MAGI2: variants seen among roughly 807,000 people sequenced by gnomAD.
MAGI2 encodes the protein membrane-associated guanylate kinase, WW and PDZ domain-containing protein 2.
A neutral mutation model predicts 133.3 loss-of-function variants in MAGI2; 35 were observed. The ratio of observed to expected loss-of-function variants is 0.26; its 90% CI spans 0.20 to 0.35. MAGI2 has a LOEUF of 0.35. MAGI2 is among the 10% of genes least tolerant of loss of function. MAGI2 has a pLI of 1.00. For synonymous variants in MAGI2, 729 were observed against 710.6 expected (o/e 1.03, Z -0.41); for missense variants, 1,636 against 1,863.4 (o/e 0.88, Z 2.25).
intron 2 of MAGI2, among the ~76,000 whole-genome samples, chr7:78,697,787 C>T (rs1289019784): frequency 6.6e-6 from 1 of 152,178 alleles, no homozygotes; most frequent in Non-Finnish European, 1.5e-5. Context: ...TATTTCTCTC[C>T]CTTTTTATTA....
intron 1 of MAGI2, among the ~76,000 whole-genome samples, chr7:79,126,866 T>C (rs571648520): frequency 3.7e-4 from 57 of 152,086 alleles, no homozygotes; most frequent in African/African-American, 1.3e-3. Context: ...TTGTTACATA[T>C]GTATACATGT....
At chr7:78,912,929 T>C (rs1798525846) in intron 2 of MAGI2, among the ~76,000 whole-genome samples, 1 of 151,464 alleles carries the variant, frequency 6.6e-6, no homozygotes, top group South Asian at 2.1e-4. Context: ...CTGGCAAAGA[T>C]TCCCAGAAAG....
At chr7:78,599,561 G>A (rs1414347322) in intron 3 of MAGI2, among the ~76,000 whole-genome samples, 4 of 152,020 alleles carry the variant, frequency 2.6e-5, no homozygotes, top group African/African-American at 4.8e-5. Flanking sequence ...CAGAAATACC[G>A]ATTTCTTAAA....
intron 6 of MAGI2, among the ~76,000 whole-genome samples, chr7:78,480,025 A>T (rs1792190985): frequency 6.6e-6 from 1 of 151,990 alleles, no homozygotes; most frequent in Non-Finnish European, 1.5e-5. Context: ...GAAATTAAAG[A>T]CAGATCCACA....
At chr7:78,527,003 T>C (rs1367862960) in intron 3 of MAGI2, among the ~76,000 whole-genome samples, 4 of 24,900 alleles carry the variant, frequency 1.6e-4, no homozygotes, top group Non-Finnish European at 2.9e-4. Context: ...CAAGACTCCA[T>C]CTCAAAAAAA....
intron 1 of MAGI2, among the ~76,000 whole-genome samples, chr7:79,442,357 T>C (rs550797288): frequency 9.8e-5 from 15 of 152,296 alleles, no homozygotes; most frequent in African/African-American, 2.6e-4. Flanking sequence ...TTAATGTAAC[T>C]GTTTTCCCTA....
At chr7:78,632,641 CAAA>C (rs906692803) in intron 2 of MAGI2, among the ~76,000 whole-genome samples, 3 of 152,188 alleles carry the variant, frequency 2.0e-5, no homozygotes, top group Admixed American at 6.5e-5. Flanking sequence ...TCTGAACTAT[CAAA>C]ATCATTTTCA....
intron 6 of MAGI2, among the ~76,000 whole-genome samples, chr7:78,439,012 C>T (rs1787335370): frequency 6.6e-6 from 1 of 152,172 alleles, no homozygotes; most frequent in Admixed American, 6.5e-5. Context: ...CCTTGAACTA[C>T]CTGTTCCTGG....
chr7:78,851,534 C>G (rs1793139677), intron 2 of MAGI2, among the ~76,000 whole-genome samples: 1 of 152,120 alleles, frequency 6.6e-6, no homozygotes, highest in Non-Finnish European at 1.5e-5. Context: ...ATATTCCTCC[C>G]AGATCTCACC....
At chr7:78,943,956 G>A (rs1325098960) in intron 2 of MAGI2, among the ~76,000 whole-genome samples, 1 of 152,020 alleles carries the variant, frequency 6.6e-6, no homozygotes, top group Non-Finnish European at 1.5e-5. Context: ...TTTCACTGCA[G>A]ACTTGTGAAA....
chr7:79,018,454 C>T (rs1165156323), intron 1 of MAGI2, among the ~76,000 whole-genome samples: 1 of 152,148 alleles, frequency 6.6e-6, no homozygotes, highest in East Asian at 1.9e-4. Flanking sequence ...CATTTAAGTA[C>T]ATAGACTAGT....
intron 1 of MAGI2, among the ~76,000 whole-genome samples, chr7:79,130,583 C>T (rs1033013720): frequency 6.6e-6 from 1 of 152,174 alleles, no homozygotes; most frequent in Non-Finnish European, 1.5e-5. Context: ...CTAGTGTCTA[C>T]TTCATCTCAC....
At position 78,699,875 on chromosome 7, in the gene MAGI2, T is replaced by C. The variant is rs140134443; in HGVS notation, c.419-72636A>G. ...AAAAAATATCCATATAACTTTTATA[T>C]CAAAATAAAATTCAGAAAATTAGGC... On this transcript the variant is annotated intron_variant, in intron 2 of 21. Coordinates refer to ENST00000354212, the MANE Select transcript of MAGI2 (RefSeq NM_012301.4). 3.9e-5 allele frequency among the ~76,000 whole-genome samples: 6 copies of C among 152,140 alleles called. No homozygotes were observed. The East Asian group carries it at 1.2e-3, about 29-fold the overall frequency.
intron 1 of MAGI2, among the ~76,000 whole-genome samples, chr7:79,451,625 A>G (rs1038901719): frequency 5.3e-5 from 8 of 152,190 alleles, no homozygotes; most frequent in African/African-American, 1.9e-4. Flanking sequence ...CTTGCCCAGT[A>G]CTTCTTTTTA....
At chr7:78,597,822 TC>T (rs1369499851) in intron 3 of MAGI2, among the ~76,000 whole-genome samples, 1 of 151,692 alleles carries the variant, frequency 6.6e-6, no homozygotes, top group East Asian at 1.9e-4. Flanking sequence ...GAATCTTCAA[TC>T]CGATATTTCC....
chr7:78,920,395 CACA>C (rs1411478053), intron 2 of MAGI2, among the ~76,000 whole-genome samples: 1 of 152,100 alleles, frequency 6.6e-6, no homozygotes, highest in Non-Finnish European at 1.5e-5. Flanking sequence ...TTTGTATTAT[CACA>C]ACATTTATTG....
At chr7:78,315,333 T>A (rs894194249) in intron 9 of MAGI2, among the ~76,000 whole-genome samples, 2 of 152,204 alleles carry the variant, frequency 1.3e-5, no homozygotes, top group Non-Finnish European at 2.9e-5. Context: ...AACTGGCATA[T>A]ACTTGGCAGG....
intron 5 of MAGI2, among the ~76,000 whole-genome samples, chr7:78,499,568 C>G (rs1334698243): frequency 6.6e-6 from 1 of 152,164 alleles, no homozygotes; most frequent in Non-Finnish European, 1.5e-5. Flanking sequence ...AACATAAGTT[C>G]TGTCTTTTGA....
At chr7:78,054,268 A>C (rs1455751209) in intron 21 of MAGI2, among the ~76,000 whole-genome samples, 2 of 151,992 alleles carry the variant, frequency 1.3e-5, no homozygotes, top group East Asian at 3.9e-4. Context: ...TGCGACTACA[A>C]GTGTGCATCA....
Sources: allele counts gnomAD v4.1 joint callset (sites outside exome capture counted in the v4.1 genomes callset), GRCh38; gene constraint gnomAD v4.1.1; transcripts MANE v1.5; gene names NCBI Gene and HGNC (gene_info 2026-07-23, HGNC 2026-07-21).